Variants in MARCO observed in about 807,000 individuals in gnomAD.
MARCO encodes the protein macrophage receptor with collagenous structure.
MARCO carries 72 observed loss-of-function variants against 70.0 expected under a neutral mutation model. The observed-to-expected ratio is 1.03, with a 90% CI of 0.85 to 1.25. The LOEUF is 1.25. Among genes scored for constraint, MARCO ranks in the 50% most tolerant of loss-of-function variants. The probability of loss-of-function intolerance (pLI) is 0.00; values close to 1 mark genes in which losing one functional copy is unlikely to be tolerated. For missense variants in MARCO, 696 were observed against 659.3 expected (o/e 1.06, Z -0.61); for synonymous variants, 273 against 243.1 (o/e 1.12, Z -1.14).
chr2:118,969,351 A>G, intron 2 of MARCO, 90 bp downstream of exon 2: 1 of 958,862 alleles, frequency 1.0e-6, no homozygotes, highest in Non-Finnish European at 1.7e-6. Context: ...GGTTGAGTGG[A>G]GAGCCTCGGG....
chr2:118,983,347 C>T lies in MARCO; in HGVS notation c.1063+937C>T, dbSNP rs141048466. On this transcript the variant is annotated intron_variant, in intron 12 of 16. Transcript: ENST00000327097. ...GAGACCTACACTGGGACCTGGCCCTCCACAGCTCTAATCAATTGATTGATT... is the reference window on the plus strand; with the variant it reads ...GAGACCTACACTGGGACCTGGCCCTTCACAGCTCTAATCAATTGATTGATT... Among the ~76,000 whole-genome samples the T allele has an allele frequency of 2.8e-3, 428 of 152,332 alleles. 3 individuals carry two copies. Among genetic ancestry groups the T allele is most frequent in the African/African-American group, 9.9e-3 (413 of 41,582 alleles).
intron 1 of MARCO, among the ~76,000 whole-genome samples, chr2:118,950,272 T>A (rs913317062): frequency 2.6e-5 from 4 of 152,236 alleles, no homozygotes; most frequent in Admixed American, 2.6e-4. Flanking sequence ...TAGACTGTTT[T>A]TAACCTTTTA....
At chr2:118,950,891 A>G (rs1338994258) in intron 1 of MARCO, among the ~76,000 whole-genome samples, 1 of 152,186 alleles carries the variant, frequency 6.6e-6, no homozygotes, top group South Asian at 2.1e-4. Context: ...ACAAGATTAG[A>G]AGTTAGGATA....
At chr2:118,966,625 A>AT (rs930834339) in intron 1 of MARCO, among the ~76,000 whole-genome samples, 2 of 151,952 alleles carry the variant, frequency 1.3e-5, no homozygotes, top group Non-Finnish European at 2.9e-5. Context: ...ACCATACCTT[A>AT]TTTTTTCTCA....
intron 1 of MARCO, among the ~76,000 whole-genome samples, chr2:118,956,650 G>C (rs1679843037): frequency 6.6e-6 from 1 of 152,136 alleles, no homozygotes; most frequent in African/African-American, 2.4e-5. Flanking sequence ...GGACTTAGCA[G>C]ATATATACAG....
At chr2:118,981,277 C>T (rs1680382929) in intron 8 of MARCO, 132 bp from the exon 9 acceptor site, 3 of 664,532 alleles carry the variant, frequency 4.5e-6, no homozygotes, top group South Asian at 1.8e-5. Flanking sequence ...ATATCTTCCA[C>T]TCGCGGGCAC....
chr2:118,960,075 C>A (rs1431452861), intron 1 of MARCO, among the ~76,000 whole-genome samples: 1 of 150,516 alleles, frequency 6.6e-6, no homozygotes, highest in African/African-American at 2.4e-5. Flanking sequence ...CTCATGTAAC[C>A]AAATACAACC....
rs547237652 is a variant in MARCO, at chr2:118,947,257, C to A, written c.97+4860C>A. On this transcript the variant is annotated intron_variant, in intron 1 of 16. Transcript: ENST00000327097. ...TTTAGCCCTTGTTGGTGAAGATTTT[C>A]TTCTCTATCTTATTCTAAAATTTTT... Among the ~76,000 whole-genome samples the A allele has an allele frequency of 1.3e-4, 20 of 152,254 alleles. No homozygotes were observed. In the South Asian group the frequency reaches 3.9e-3, roughly 30 times the overall value.
At chr2:118,957,111 C>A (rs1229925003) in intron 1 of MARCO, among the ~76,000 whole-genome samples, 2 of 151,708 alleles carry the variant, frequency 1.3e-5, no homozygotes, top group Non-Finnish European at 2.9e-5. Context: ...CAAACGCAAA[C>A]CCAGCAGAAG....
intron 1 of MARCO, among the ~76,000 whole-genome samples, chr2:118,954,457 C>G (rs1368516565): frequency 6.6e-6 from 1 of 152,172 alleles, no homozygotes; most frequent in Admixed American, 6.5e-5. Context: ...CTAGTCCCAC[C>G]CCTGGACCTG....
At chr2:118,976,573 C>T (rs943680515) in intron 6 of MARCO, among the ~76,000 whole-genome samples, 1 of 152,158 alleles carries the variant, frequency 6.6e-6, no homozygotes, top group African/African-American at 2.4e-5. Flanking sequence ...GTCTGTACTC[C>T]ATATGCTAGC....
rs569259673 is a variant in MARCO at position 118,959,195 on chromosome 2, C to G, written c.98-9965C>G. Among the ~76,000 whole-genome samples the G allele has an allele frequency of 5.9e-5, 9 of 152,242 alleles. No homozygotes were observed. In the South Asian group the frequency reaches 1.2e-3, roughly 21 times the overall value. On this transcript the variant is annotated intron_variant, in intron 1 of 16. Transcript: ENST00000327097. ...CAAAAGGAACAGTCAGCAGAGTAAA[C>G]AGACAACCCACAGAGTGGGAGAAAA...
At position 118,993,123 on chromosome 2, in the gene MARCO, G is replaced by T. The variant is rs147926190; in HGVS notation, c.1253-1G>T. Reference sequence around the variant, plus strand: ...TCTCCCATGTGTGTTTCTTCACCCAGGTGAAAACTCAGTGTCCGTCAGGAT... The same window carrying T: ...TCTCCCATGTGTGTTTCTTCACCCATGTGAAAACTCAGTGTCCGTCAGGAT... On this transcript the variant is annotated splice_acceptor_variant, in intron 15 of 16. Transcript: ENST00000327097. LOFTEE classifies it high-confidence loss of function. The T allele has an allele frequency of 2.3e-5, 37 of 1,614,060 alleles. No homozygotes were observed. Among genetic ancestry groups the T allele is most frequent in the Non-Finnish European group, 3.1e-5 (37 of 1,180,006 alleles).
chr2:118,970,381 T>TC (rs761765393), intron 3 of MARCO, 43 bp downstream of exon 3: 1 of 1,444,372 alleles, frequency 6.9e-7, no homozygotes, highest in South Asian at 1.2e-5. Context: ...TCAACAGAGG[T>TC]CTGGGAGACA....
intron 1 of MARCO, among the ~76,000 whole-genome samples, chr2:118,943,695 G>T (rs886209886): frequency 7.2e-5 from 11 of 152,238 alleles, no homozygotes; most frequent in Non-Finnish European, 1.6e-4. Flanking sequence ...TAGTGCCTGG[G>T]GCGGGGTGGG....
intron 1 of MARCO, chr2:118,949,195 A>G (rs1008722553): frequency 6.6e-6 from 1 of 152,226 alleles, no homozygotes; most frequent in Non-Finnish European, 1.5e-5. Flanking sequence ...GAATCTTGAA[A>G]AAGAGCTACC....
At chr2:118,957,420 C>T (rs552127851) in intron 1 of MARCO, among the ~76,000 whole-genome samples, 9 of 152,092 alleles carry the variant, frequency 5.9e-5, no homozygotes, top group East Asian at 3.9e-4. Context: ...AAAAATACAA[C>T]GTTCCTAGCT....
intron 8 of MARCO, among the ~76,000 whole-genome samples, chr2:118,981,165 C>A (rs905125509): frequency 3.9e-5 from 6 of 152,082 alleles, no homozygotes; most frequent in Non-Finnish European, 8.8e-5. Context: ...GGGACCAGGG[C>A]TTTCTGTTGA....
At position 118,942,241 on chromosome 2, in the gene MARCO, T is replaced by C; in HGVS notation, c.-60T>C. On this transcript the variant is annotated 5_prime_UTR_variant, in exon 1 of 17. Transcript: ENST00000327097. ...TGGGAAGGATCTTTCTCCAAGTGGTTCCTCTTGAGGGGAGCATTTCTGCTG... is the reference window on the plus strand; with the variant it reads ...TGGGAAGGATCTTTCTCCAAGTGGTCCCTCTTGAGGGGAGCATTTCTGCTG... 1 of 1,085,932 alleles carries C rather than the reference T, an allele frequency of 9.2e-7. No individual in the cohort carries two copies. Among genetic ancestry groups the C allele is most frequent in the Admixed American group, 1.8e-5 (1 of 55,564 alleles). 67.3% of individuals were successfully genotyped at this position (1,085,932 alleles called of 1,614,324 possible). A position where few individuals can be genotyped will look rare whatever the true frequency, so the allele number is the denominator to read the frequency against.
Sources: gnomAD v4.1 joint callset for allele counts (sites outside exome capture counted in the v4.1 genomes callset) on GRCh38, gnomAD v4.1.1 for gene constraint, MANE v1.5 for transcripts, NCBI Gene and HGNC (gene_info 2026-07-23, HGNC 2026-07-21) for gene names.